Variants in SLC5A3 observed in about 807,000 individuals in gnomAD.
SLC5A3 encodes the protein solute carrier family 5 member 3, also known as sodium/myo-inositol cotransporter.
A neutral mutation model predicts 43.2 loss-of-function variants in SLC5A3; 10 were observed. The ratio of observed to expected loss-of-function variants is 0.23; its 90% CI spans 0.14 to 0.39. The LOEUF (loss-of-function observed/expected upper bound fraction) is 0.39, where lower values mean the gene tolerates loss of function less well. SLC5A3 is among the 10% of genes least tolerant of loss of function. The pLI is 1.00. For synonymous variants in SLC5A3, 349 were observed against 322.0 expected, an observed-to-expected ratio of 1.08 and a Z score of -0.90; for missense variants, 608 against 893.4, an observed-to-expected ratio of 0.68 and a Z score of 4.07.
rs373176040 is a variant in SLC5A3 at position 34,095,265 on chromosome 21, A to G, written c.67A>G (p.Ile23Val). 2.5e-6 allele frequency: 4 copies of G among 1,614,020 alleles called. No homozygotes were observed. Among genetic ancestry groups the G allele is most frequent in the African/African-American group, 2.7e-5 (2 of 74,924 alleles). ...VALYFILVMC[I>V]GFFAMWKSNR... Reference sequence around the variant, plus strand: ...CCTGTATTTTATCCTGGTCATGTGCATTGGTTTTTTTGCCATGTGGAAATC... The same window carrying G: ...CCTGTATTTTATCCTGGTCATGTGCGTTGGTTTTTTTGCCATGTGGAAATC... Residue 23 changes from isoleucine (I) to valine (V), a missense_variant, in exon 2 of 2, where the codon ATT (isoleucine) becomes GTT (valine). Transcript: ENST00000381151.
In SLC5A3 at chr21:34,099,818, T is replaced by A; in HGVS notation, c.*2463T>A. ...TTAGAATTGTTTATTCTTGCCAGTA[T>A]AAACATCATTTTATTTAGACTAAAG... On this transcript the variant is annotated 3_prime_UTR_variant, in exon 2 of 2. Coordinates refer to ENST00000381151, the MANE Select transcript of SLC5A3 (RefSeq NM_006933.7). 2 of 652,112 alleles carry A rather than the reference T, an allele frequency of 3.1e-6. No individual in the cohort carries two copies. The highest frequency in any genetic ancestry group is 3.9e-6 in the Non-Finnish European group (2 of 512,934). 40.4% of individuals were successfully genotyped at this position (652,112 alleles called of 1,614,324 possible). A position where few individuals can be genotyped will look rare whatever the true frequency, so the allele number is the denominator to read the frequency against.
rs1979369248 is a variant in SLC5A3 at position 34,104,104 on chromosome 21, G to A, written c.*6749G>A. On this transcript the variant is annotated 3_prime_UTR_variant, in exon 2 of 2. Transcript: ENST00000381151. ...TGATTTTTTTTGTGTACGTTTGTATGTGAGAGATGAAGTTACCTTTATTTT... is the reference window on the plus strand; with the variant it reads ...TGATTTTTTTTGTGTACGTTTGTATATGAGAGATGAAGTTACCTTTATTTT... 3.0e-6 allele frequency: 3 copies of A among 999,760 alleles called. No homozygotes were observed. The allele number at this position is 999,760 out of a possible 1,614,324, so 61.9% of individuals were successfully genotyped here. A position where few individuals can be genotyped will look rare whatever the true frequency, so the allele number is the denominator to read the frequency against.
chr21:34,085,894 G>T (rs951803005), intron 1 of SLC5A3, among the ~76,000 whole-genome samples: 4 of 152,086 alleles, frequency 2.6e-5, no homozygotes, highest in African/African-American at 9.7e-5. Flanking sequence ...GAGCCACTGC[G>T]CCCGGCCAGA....
Position 34,104,958 on chromosome 21 carries a change from T to C in SLC5A3, c.*7603T>C, listed in dbSNP as rs1478964565. ...TTTAATTAGCCTAGGTGAAAAGTAG[T>C]CCTAGCAGTGTAAATATGTATAATT... On this transcript the variant is annotated 3_prime_UTR_variant, in exon 2 of 2. Transcript: ENST00000381151. 1 of 999,396 alleles carries C rather than the reference T, an allele frequency of 1.0e-6. No individual in the cohort carries two copies. The highest frequency in any genetic ancestry group is 1.2e-6 in the Non-Finnish European group (1 of 829,272). 61.9% of individuals were successfully genotyped at this position (999,396 alleles called of 1,614,324 possible).
At chr21:34,091,177 AGT>A (rs1180838706) in intron 1 of SLC5A3, among the ~76,000 whole-genome samples, 3 of 152,082 alleles carry the variant, frequency 2.0e-5, no homozygotes, top group Non-Finnish European at 4.4e-5. Context: ...TTGTACCTTG[AGT>A]GTGTGGTTTG....
At chr21:34,087,536 G>A (rs1232084896) in intron 1 of SLC5A3, among the ~76,000 whole-genome samples, 3 of 152,176 alleles carry the variant, frequency 2.0e-5, no homozygotes, top group Admixed American at 6.5e-5. Context: ...GTTTTATAGC[G>A]TGTTAGGTGT....
chr21:34,097,155 C>A lies in SLC5A3; in HGVS notation c.1957C>A (p.Arg653=), dbSNP rs150843183. The A allele has an allele frequency of 1.4e-5, 22 of 1,613,780 alleles. No homozygotes were observed. The highest frequency in any genetic ancestry group is 1.7e-5 in the Non-Finnish European group (20 of 1,179,928). ...ERKKETDDGG[R]YWKFIDWFCG... ...AAAGAAAGAAACGGATGATGGAGGT[C>A]GGTACTGGAAGTTCATAGACTGGTT... Residue 653 remains arginine, a synonymous_variant, in exon 2 of 2, where the codon CGG becomes AGG. Coordinates refer to ENST00000381151, the MANE Select transcript of SLC5A3 (RefSeq NM_006933.7).
At chr21:34,082,359 C>G (rs1989478236) in intron 1 of SLC5A3, among the ~76,000 whole-genome samples, 1 of 152,150 alleles carries the variant, frequency 6.6e-6, no homozygotes, top group Non-Finnish European at 1.5e-5. Flanking sequence ...GGCTTCAGAG[C>G]TGCACCGTGT....
At chr21:34,082,263 A>G (rs778232791) in intron 1 of SLC5A3, among the ~76,000 whole-genome samples, 41 of 152,198 alleles carry the variant, frequency 2.7e-4, no homozygotes, top group Non-Finnish European at 5.0e-4. Flanking sequence ...GATTTCAGCA[A>G]TGGCAGGCAT....
intron 1 of SLC5A3, among the ~76,000 whole-genome samples, chr21:34,088,927 T>A (rs149511528): frequency 1.3e-5 from 2 of 152,246 alleles, no homozygotes; most frequent in East Asian, 3.9e-4. Flanking sequence ...TGATAAACAG[T>A]CTTTTACAAG....
At position 34,099,618 on chromosome 21, in the gene SLC5A3, C is replaced by A; in HGVS notation, c.*2263C>A. On this transcript the variant is annotated 3_prime_UTR_variant, in exon 2 of 2. Coordinates refer to ENST00000381151, the MANE Select transcript of SLC5A3 (RefSeq NM_006933.7). Reference sequence around the variant, plus strand: ...GGTGTTTGTGATTTTTTTTTTCTCCCTTTATTTAACATTGAGTCCTAGTAG... The same window carrying A: ...GGTGTTTGTGATTTTTTTTTTCTCCATTTATTTAACATTGAGTCCTAGTAG... 1.0e-6 allele frequency: 1 copy of A among 998,802 alleles called. No homozygotes were observed. The allele number at this position is 998,802 out of a possible 1,614,324, so 61.9% of individuals were successfully genotyped here. A position where few individuals can be genotyped will look rare whatever the true frequency, so the allele number is the denominator to read the frequency against.
intron 1 of SLC5A3, among the ~76,000 whole-genome samples, chr21:34,090,964 A>G (rs1213273171): frequency 6.6e-6 from 1 of 152,232 alleles, no homozygotes; most frequent in Non-Finnish European, 1.5e-5. Flanking sequence ...GGAGAAAACA[A>G]GCTTGGGTAT....
chr21:34,081,312 G>A (rs1989453643), intron 1 of SLC5A3, among the ~76,000 whole-genome samples: 1 of 152,080 alleles, frequency 6.6e-6, no homozygotes, highest in Admixed American at 6.6e-5. Flanking sequence ...CCAAGTGCTT[G>A]TCATGACCCC....
At position 34,099,778 on chromosome 21, in the gene SLC5A3, C is replaced by T; in HGVS notation, c.*2423C>T. On this transcript the variant is annotated 3_prime_UTR_variant, in exon 2 of 2. Transcript: ENST00000381151. Reference sequence around the variant, plus strand: ...ACTAAAGTCTGTAAATAAGGAATGACTATTAGCATATTCATTAGAATTGTT... The same window carrying T: ...ACTAAAGTCTGTAAATAAGGAATGATTATTAGCATATTCATTAGAATTGTT... 1.2e-6 allele frequency: 1 copy of T among 836,692 alleles called. No homozygotes were observed. Among genetic ancestry groups the T allele is most frequent in the Non-Finnish European group, 1.5e-6 (1 of 681,566 alleles). 51.8% of individuals were successfully genotyped at this position (836,692 alleles called of 1,614,324 possible).
Position 34,104,197 on chromosome 21 carries a change from C to G in SLC5A3, c.*6842C>G. On this transcript the variant is annotated 3_prime_UTR_variant, in exon 2 of 2. Coordinates refer to ENST00000381151, the MANE Select transcript of SLC5A3 (RefSeq NM_006933.7). ...TGATCTGAGTGTTCTGAGCATCAGA[C>G]TAATTCTGAAGCATATTTGCTAGAG... The G allele has an allele frequency of 2.0e-6, 2 of 999,956 alleles. No homozygotes were observed. Among genetic ancestry groups the G allele is most frequent in the Non-Finnish European group, 2.4e-6 (2 of 829,816 alleles). 61.9% of individuals were successfully genotyped at this position (999,956 alleles called of 1,614,324 possible). A position where few individuals can be genotyped will look rare whatever the true frequency, so the allele number is the denominator to read the frequency against.
In SLC5A3 at chr21:34,100,521, T is replaced by G; in HGVS notation, c.*3166T>G. 1 of 1,000,264 alleles carries G rather than the reference T, an allele frequency of 1.0e-6. No homozygotes were observed. The highest frequency in any genetic ancestry group is 1.2e-6 in the Non-Finnish European group (1 of 829,972). The allele number at this position is 1,000,264 out of a possible 1,614,324, so 62.0% of individuals were successfully genotyped here. On this transcript the variant is annotated 3_prime_UTR_variant, in exon 2 of 2. Coordinates refer to ENST00000381151, the MANE Select transcript of SLC5A3 (RefSeq NM_006933.7). Reference sequence around the variant, plus strand: ...TTCAATAGATCTCATCTCCTAGGGCTTCCTTTTCACTTGGCTCAAAGGATC... The same window carrying G: ...TTCAATAGATCTCATCTCCTAGGGCGTCCTTTTCACTTGGCTCAAAGGATC...
chr21:34,077,477 G>A (rs535668441), intron 1 of SLC5A3, among the ~76,000 whole-genome samples: 2 of 152,228 alleles, frequency 1.3e-5, no homozygotes, highest in East Asian at 1.9e-4. Flanking sequence ...TCTCATTGGC[G>A]TTCAGGAATT....
At position 34,096,851 on chromosome 21, in the gene SLC5A3, C is replaced by T. The variant is rs1472358881; in HGVS notation, c.1653C>T (p.Asn551=). 2 of 1,614,030 alleles carry T rather than the reference C, an allele frequency of 1.2e-6. No individual in the cohort carries two copies. The highest frequency in any genetic ancestry group is 2.2e-5 in the East Asian group (1 of 44,878). The change falls in exon 2 of 2, where the codon AAC becomes AAT. Residue 551 remains asparagine, a synonymous_variant. Transcript: ENST00000381151. The surrounding 1 kb of genome is among the most constrained non-coding windows in gnomAD (Gnocchi z 5.9). ...CCACCACCTTTTGGTCTAAGAAGAA[C>T]CTGGTGGTGAAGGAGAACTGCTCCC... is the stretch of plus-strand genomic sequence containing the variant. ...IRTTTFWSKK[N]LVVKENCSPK...
chr21:34,081,768 CA>C (rs1989464000), intron 1 of SLC5A3, among the ~76,000 whole-genome samples: 1 of 152,150 alleles, frequency 6.6e-6, no homozygotes, highest in Admixed American at 6.6e-5. Flanking sequence ...TGGTCTTAGG[CA>C]AGTCGCTGTG....
Sources: allele counts gnomAD v4.1 joint callset (sites outside exome capture counted in the v4.1 genomes callset), GRCh38; gene constraint gnomAD v4.1.1; non-coding constraint Gnocchi (gnomAD v3.1); transcripts MANE v1.5; gene names NCBI Gene and HGNC (gene_info 2026-07-23, HGNC 2026-07-21).